EYA1: variants seen among roughly 807,000 people sequenced by gnomAD.
The protein encoded by EYA1 is protein phosphatase EYA1.
In EYA1, 16 loss-of-function variants were observed where a neutral mutation model predicts 82.0. The observed-to-expected ratio is 0.20, with a 90% confidence interval of 0.13 to 0.30. The LOEUF (loss-of-function observed/expected upper bound fraction) is 0.30, where lower values mean the gene tolerates loss of function less well. EYA1 is among the 10% of genes least tolerant of loss of function. EYA1 has a pLI of 1.00. For synonymous variants in EYA1, 261 were observed against 264.4 expected (o/e 0.99, Z 0.12); for missense variants, 633 against 730.7 (o/e 0.87, Z 1.54).
At chr8:71,386,621 C>G (rs1828979679) in intron 2 of EYA1, among the ~76,000 whole-genome samples, 1 of 152,142 alleles carries the variant, frequency 6.6e-6, no homozygotes, top group Non-Finnish European at 1.5e-5. Flanking sequence ...AAGCTTCATA[C>G]CATTCATTCA....
intron 2 of EYA1, among the ~76,000 whole-genome samples, chr8:71,422,629 A>C (rs769762286): frequency 8.5e-5 from 13 of 152,166 alleles, no homozygotes; most frequent in Non-Finnish European, 1.8e-4. Flanking sequence ...TAACTGACTC[A>C]CAGTTCAGCA....
At chr8:71,225,825 A>G (rs190246975) in intron 12 of EYA1, among the ~76,000 whole-genome samples, 1 of 152,312 alleles carries the variant, frequency 6.6e-6, no homozygotes, top group African/African-American at 2.4e-5. Flanking sequence ...AAACAAAAAC[A>G]GTGTCTTAAT....
chr8:71,231,646 A>G (rs2128881460), intron 12 of EYA1, among the ~76,000 whole-genome samples: 2 of 152,346 alleles, frequency 1.3e-5, no homozygotes, highest in Middle Eastern at 6.8e-3. Flanking sequence ...ACAGCAAAGA[A>G]TGTGTTTCAT....
At chr8:71,395,606 A>G (rs1442632582) in intron 2 of EYA1, among the ~76,000 whole-genome samples, 4 of 151,996 alleles carry the variant, frequency 2.6e-5, no homozygotes, top group East Asian at 1.9e-4. Flanking sequence ...CTTGATTTGC[A>G]TATGTTGAAT....
intron 2 of EYA1, among the ~76,000 whole-genome samples, chr8:71,431,615 T>C (rs923486912): frequency 6.6e-6 from 1 of 152,212 alleles, no homozygotes; most frequent in Non-Finnish European, 1.5e-5. Flanking sequence ...AAGAAGACAC[T>C]ACCCACCAGT....
At chr8:71,537,036 T>C (rs1814760976) in intron 1 of EYA1, among the ~76,000 whole-genome samples, 1 of 152,224 alleles carries the variant, frequency 6.6e-6, no homozygotes, top group African/African-American at 2.4e-5. Flanking sequence ...AATTTTCAGG[T>C]AAAATATTCC....
chr8:71,423,474 C>A (rs1324966294), intron 2 of EYA1, among the ~76,000 whole-genome samples: 1 of 152,002 alleles, frequency 6.6e-6, no homozygotes, highest in Non-Finnish European at 1.5e-5. Context: ...CAAGAAAAAT[C>A]CATAGTCAAA....
At chr8:71,284,661 T>C (rs910619184) in intron 9 of EYA1, among the ~76,000 whole-genome samples, 3 of 152,218 alleles carry the variant, frequency 2.0e-5, no homozygotes, top group African/African-American at 7.2e-5. Flanking sequence ...GTAAAGATGA[T>C]GATAAAGTGA....
At chr8:71,266,217 C>T (rs1295597331) in intron 11 of EYA1, among the ~76,000 whole-genome samples, 1 of 152,182 alleles carries the variant, frequency 6.6e-6, no homozygotes. Context: ...TAAGGCTCAG[C>T]CACATGCTCC....
chr8:71,304,418 G>C lies in EYA1; in HGVS notation c.557-4698C>G, dbSNP rs1315875791. Among the ~76,000 whole-genome samples, 2 of 142,800 alleles carry C rather than the reference G, an allele frequency of 1.4e-5. 1 individual carries two copies. Among genetic ancestry groups the C allele is most frequent in the Non-Finnish European group, 3.2e-5 (2 of 62,892 alleles). 93.7% of individuals were successfully genotyped at this position (142,800 alleles called of 152,430 possible). ...TCTCAGAATGGCAAGGTTTTTGTCT[G>C]TGAGTTATTTCCCTTTTTTATGACC... On this transcript the variant is annotated intron_variant, in intron 7 of 17. Transcript: ENST00000340726.
chr8:71,408,278 G>A lies in EYA1; in HGVS notation c.34-51767C>T, dbSNP rs576973253. 1.4e-4 allele frequency among the ~76,000 whole-genome samples: 21 copies of A among 152,248 alleles called. No individual in the cohort carries two copies. The South Asian group carries it at 4.4e-3, about 32-fold the overall frequency. On this transcript the variant is annotated intron_variant, in intron 2 of 18. Coordinates refer to the EYA1 transcript ENST00000643681. ...AGCCGCTGCAAAATCATGCCAAAAT[G>A]TAAAGGCCATCGAGACTAGGAAGAA...
chr8:71,241,570 A>T (rs1465555444), intron 12 of EYA1, among the ~76,000 whole-genome samples: 1 of 152,212 alleles, frequency 6.6e-6, no homozygotes, highest in Non-Finnish European at 1.5e-5. Context: ...AGAAAATAAG[A>T]CCAAAAGTCA....
intron 2 of EYA1, among the ~76,000 whole-genome samples, chr8:71,368,648 T>C (rs546999209): frequency 6.6e-6 from 1 of 152,282 alleles, no homozygotes; most frequent in East Asian, 1.9e-4. Context: ...GCATTTTAAA[T>C]TTGCAGTATC....
chr8:71,301,079 C>T (rs1024673308), intron 7 of EYA1, among the ~76,000 whole-genome samples: 1 of 152,066 alleles, frequency 6.6e-6, no homozygotes, highest in Non-Finnish European at 1.5e-5. Context: ...GCAGTATAGG[C>T]CATAAATGTG....
intron 17 of EYA1, among the ~76,000 whole-genome samples, chr8:71,209,672 C>T (rs1261460563): frequency 6.6e-6 from 1 of 152,126 alleles, no homozygotes; most frequent in Non-Finnish European, 1.5e-5. Flanking sequence ...CATGCTGTTT[C>T]TGGTATATGC....
intron 2 of EYA1, among the ~76,000 whole-genome samples, chr8:71,480,396 A>G (rs777798357): frequency 4.6e-5 from 7 of 152,230 alleles, no homozygotes; most frequent in Non-Finnish European, 8.8e-5. Context: ...ACAACAGTAC[A>G]AAAGTAATCA....
At chr8:71,296,120 A>C (rs1414412577) in intron 9 of EYA1, among the ~76,000 whole-genome samples, 2 of 152,224 alleles carry the variant, frequency 1.3e-5, no homozygotes, top group Admixed American at 6.5e-5. Context: ...AAAAGAATGA[A>C]TGCAAAGGCA....
intron 7 of EYA1, among the ~76,000 whole-genome samples, chr8:71,310,229 CAATA>C (rs71555577): frequency 0.17 from 25,551 of 152,106 alleles, 2,155 homozygotes; most frequent in Admixed American, 0.23. Context: ...CATACGATGA[CAATA>C]AATTAGCTGA....
intron 17 of EYA1, among the ~76,000 whole-genome samples, chr8:71,201,911 T>C (rs2128808679): frequency 6.6e-6 from 1 of 152,332 alleles, no homozygotes; most frequent in Non-Finnish European, 1.5e-5. Flanking sequence ...TCAAAGTTTC[T>C]TGTCAACAGC....
Sources: gnomAD v4.1 joint callset for allele counts (sites outside exome capture counted in the v4.1 genomes callset) on GRCh38, gnomAD v4.1.1 for gene constraint, MANE v1.5 for transcripts, NCBI Gene and HGNC (gene_info 2026-07-23, HGNC 2026-07-21) for gene names.